AGBL1: variants seen among roughly 807,000 people sequenced by gnomAD.
The protein encoded by AGBL1 is AGBL carboxypeptidase 1.
Under a neutral mutation model 118.9 loss-of-function variants are expected in AGBL1, and 130 were observed. The observed-to-expected ratio is 1.09, with a 90% CI of 0.95 to 1.26. AGBL1 has a LOEUF of 1.26. Among genes scored for constraint, AGBL1 ranks in the 50% most tolerant of loss-of-function variants. AGBL1 has a pLI of 0.00. For synonymous variants in AGBL1, 555 were observed against 478.9 expected, an observed-to-expected ratio of 1.16 and a Z score of -2.08; for missense variants, 1,584 against 1,298.1, an observed-to-expected ratio of 1.22 and a Z score of -3.38.
intron 22 of AGBL1, among the ~76,000 whole-genome samples, chr15:86,696,695 T>C (rs1268778914): frequency 6.6e-6 from 1 of 151,894 alleles, no homozygotes; most frequent in Non-Finnish European, 1.5e-5. Flanking sequence ...ATAGGACCCA[T>C]GAGATTCATG....
At chr15:86,320,776 T>C (rs2080094130) in intron 17 of AGBL1, among the ~76,000 whole-genome samples, 1 of 152,052 alleles carries the variant, frequency 6.6e-6, no homozygotes, top group Non-Finnish European at 1.5e-5. Context: ...TGTGTCTTTC[T>C]ATTCCCCACT....
At chr15:86,549,271 C>A (rs1311622790) in intron 20 of AGBL1, among the ~76,000 whole-genome samples, 3 of 152,144 alleles carry the variant, frequency 2.0e-5, no homozygotes, top group Admixed American at 2.0e-4. Context: ...AGAACTGCCA[C>A]AATTTTGAAT....
rs78797197 is a variant in AGBL1, at chr15:86,252,223, C to T, written c.735+4344C>T. Among the ~76,000 whole-genome samples the T allele has an allele frequency of 8.4e-3, 1,275 of 152,276 alleles. 17 individuals carry two copies. The highest frequency in any genetic ancestry group is 0.029 in the African/African-American group (1,196 of 41,558). On this transcript the variant is annotated intron_variant, in intron 7 of 22. Coordinates refer to ENST00000614907, the MANE Select transcript of AGBL1 (RefSeq NM_001386094.1). The stretch of plus-strand genomic sequence containing the variant: ...TAAAAGTCACAGTTGCCACCATTTG[C>T]TCAGAAAGCACAGTAGGCCAAGCCT...
intron 19 of AGBL1, among the ~76,000 whole-genome samples, chr15:86,532,416 C>A (rs1478411803): frequency 1.5e-5 from 2 of 135,434 alleles, no homozygotes; most frequent in East Asian, 4.5e-4. Flanking sequence ...ATGTGAAGGA[C>A]CTCTTCAAGG....
chr15:86,728,506 G>A (rs938240078), intron 22 of AGBL1, among the ~76,000 whole-genome samples: 4 of 152,028 alleles, frequency 2.6e-5, no homozygotes, highest in Admixed American at 6.5e-5. Flanking sequence ...CTACCTTTTC[G>A]CCTCCAGCAT....
At chr15:86,785,571 T>G (rs1393101936) in intron 22 of AGBL1, among the ~76,000 whole-genome samples, 2 of 151,986 alleles carry the variant, frequency 1.3e-5, no homozygotes, top group East Asian at 3.9e-4. Context: ...TTTCACCATA[T>G]TGGTCAGGCT....
intron 5 of AGBL1, among the ~76,000 whole-genome samples, chr15:86,210,584 C>T (rs1012963801): frequency 6.6e-6 from 1 of 152,160 alleles, no homozygotes; most frequent in African/African-American, 2.4e-5. Flanking sequence ...TCACTGATAC[C>T]CTTTCTTCCA....
intron 22 of AGBL1, among the ~76,000 whole-genome samples, chr15:86,878,740 C>T (rs945356020): frequency 1.3e-5 from 2 of 152,312 alleles, no homozygotes; most frequent in African/African-American, 4.8e-5. Context: ...GCAGTAGGTG[C>T]TCGTTCAATG....
intron 21 of AGBL1, among the ~76,000 whole-genome samples, chr15:86,600,052 T>G (rs1304300392): frequency 6.6e-6 from 1 of 152,154 alleles, no homozygotes; most frequent in Non-Finnish European, 1.5e-5. Context: ...TTAGATTTAA[T>G]TTTGAATTAA....
chr15:86,322,852 A>C (rs1467464073), intron 17 of AGBL1, among the ~76,000 whole-genome samples: 1 of 152,208 alleles, frequency 6.6e-6, no homozygotes, highest in Non-Finnish European at 1.5e-5. Context: ...AGCCAAGTGC[A>C]GTAATTTTTC....
chr15:86,989,902 TTGGTCAGGA>T (rs2081321948), intron 24 of AGBL1, among the ~76,000 whole-genome samples: 1 of 152,016 alleles, frequency 6.6e-6, no homozygotes, highest in African/African-American at 2.4e-5. Flanking sequence ...CAGAAAGAAG[TTGGTCAGGA>T]TGGCGAAGGG....
intron 17 of AGBL1, among the ~76,000 whole-genome samples, chr15:86,367,721 C>T (rs1033939011): frequency 2.0e-5 from 3 of 152,092 alleles, no homozygotes; most frequent in African/African-American, 7.2e-5. Context: ...CAAGTGTGAT[C>T]TCAGAAAAAG....
chr15:86,671,745 G>T (rs1293742110), intron 21 of AGBL1, among the ~76,000 whole-genome samples: 1 of 152,130 alleles, frequency 6.6e-6, no homozygotes, highest in Non-Finnish European at 1.5e-5. Context: ...GAGAAGTCAA[G>T]TTCTACTTGA....
intron 5 of AGBL1, among the ~76,000 whole-genome samples, chr15:86,219,650 T>C (rs924358454): frequency 6.6e-6 from 1 of 152,100 alleles, no homozygotes; most frequent in East Asian, 1.9e-4. Flanking sequence ...ATGACCACCA[T>C]TGAACATCTA....
chr15:86,381,873 G>T (rs1490379723), intron 17 of AGBL1, among the ~76,000 whole-genome samples: 1 of 152,192 alleles, frequency 6.6e-6, no homozygotes, highest in African/African-American at 2.4e-5. Context: ...TGGGAAGGCA[G>T]ATCATGAAGG....
chr15:86,990,190 A>T (rs2081324064), intron 24 of AGBL1, among the ~76,000 whole-genome samples: 2 of 152,206 alleles, frequency 1.3e-5, no homozygotes, highest in African/African-American at 2.4e-5. Context: ...GTGTAACTCC[A>T]GATGAGAGAG....
At chr15:86,399,894 G>A (rs1355334470) in intron 18 of AGBL1, among the ~76,000 whole-genome samples, 1 of 152,102 alleles carries the variant, frequency 6.6e-6, no homozygotes, top group African/African-American at 2.4e-5. Flanking sequence ...TTTCATCATG[G>A]AGCTCAAGGC....
At chr15:86,815,755 C>T (rs991007673) in intron 22 of AGBL1, among the ~76,000 whole-genome samples, 1 of 152,108 alleles carries the variant, frequency 6.6e-6, no homozygotes, top group African/African-American at 2.4e-5. Flanking sequence ...CTAAGTAACA[C>T]TCTATCCCCG....
chr15:86,856,098 T>G (rs2079475667), intron 22 of AGBL1, among the ~76,000 whole-genome samples: 1 of 152,216 alleles, frequency 6.6e-6, no homozygotes, highest in Admixed American at 6.5e-5. Context: ...GGCTCTGACT[T>G]GACATTTCCG....
Sources: gnomAD v4.1 joint callset for allele counts (sites outside exome capture counted in the v4.1 genomes callset) on GRCh38, gnomAD v4.1.1 for gene constraint, MANE v1.5 for transcripts, NCBI Gene and HGNC (gene_info 2026-07-23, HGNC 2026-07-21) for gene names.